Variants in CABIN1 observed in about 807,000 individuals in gnomAD.
The protein encoded by CABIN1 is calcineurin binding protein 1.
Under a neutral mutation model 227.7 loss-of-function variants are expected in CABIN1, and 133 were observed. The ratio of observed to expected loss-of-function variants is 0.58; its 90% confidence interval spans 0.51 to 0.67. The LOEUF is 0.67. CABIN1 is among the 30% of genes least tolerant of loss of function. The pLI is 0.00. For missense variants in CABIN1, 2,408 were observed against 2,852.5 expected, an observed-to-expected ratio of 0.84 and a Z score of 3.55; for synonymous variants, 1,086 against 1,155.1, an observed-to-expected ratio of 0.94 and a Z score of 1.21.
chr22:24,035,643 A>G, intron 2 of CABIN1, 123 bp downstream of exon 2: 2 of 1,278,422 alleles, frequency 1.6e-6, no homozygotes, highest in Admixed American at 1.7e-5. Flanking sequence ...CCTTCCTCCC[A>G]GGAAGGCTGT....
rs756185233 is a variant in CABIN1 at position 24,150,536 on chromosome 22, C to T, written c.4747-13864C>T. Among the ~76,000 whole-genome samples, 75 of 152,174 alleles carry T rather than the reference C, an allele frequency of 4.9e-4. 1 individual carries two copies. Among genetic ancestry groups the T allele is most frequent in the Non-Finnish European group, 5.3e-4 (36 of 68,028 alleles). On this transcript the variant is annotated intron_variant, in intron 29 of 36. Transcript: ENST00000263119. ...TCTGTTCTAGGCAGTGAAACCACCTCGGGGTGTGGAGGCCCGAGTGCTGTG... is the reference window on the plus strand; with the variant it reads ...TCTGTTCTAGGCAGTGAAACCACCTTGGGGTGTGGAGGCCCGAGTGCTGTG...
chr22:24,136,225 G>T (rs1430251858), intron 29 of CABIN1, among the ~76,000 whole-genome samples: 2 of 151,782 alleles, frequency 1.3e-5, no homozygotes, highest in Non-Finnish European at 2.9e-5. Flanking sequence ...GTATTTTTTC[G>T]CTAAACAATA....
In CABIN1 at chr22:24,091,710, A is replaced by C; in HGVS notation, c.3653A>C (p.Lys1218Thr). The stretch of plus-strand genomic sequence containing the variant: ...TACATGCTGGGCAAGGTGGCTGAGA[A>C]GCAGCAGCAGCCACCCACCGTTTAC... The part of the protein sequence containing the change: ...IHYMLGKVAE[K>T]QQQPPTVYLL... The change falls in exon 24 of 37, where the codon AAG becomes ACG. Residue 1218 changes from lysine (K) to threonine (T), a missense_variant. Coordinates refer to ENST00000263119, the MANE Select transcript of CABIN1 (RefSeq NM_012295.4). The C allele has an allele frequency of 6.2e-7, 1 of 1,614,132 alleles. No homozygotes were observed. Among genetic ancestry groups the C allele is most frequent in the Non-Finnish European group, 8.5e-7 (1 of 1,180,032 alleles).
chr22:24,119,826 A>T, intron 28 of CABIN1, 128 bp downstream of exon 28: 1 of 981,218 alleles, frequency 1.0e-6, no homozygotes, highest in Admixed American at 1.8e-5. Context: ...ATGGGCGAGG[A>T]GAGCTGCAGG....
intron 12 of CABIN1, 80 bp downstream of exon 12, chr22:24,060,221 G>A (rs2039091790): frequency 2.2e-6 from 3 of 1,355,606 alleles, no homozygotes; most frequent in Non-Finnish European, 2.1e-6. Context: ...GTGTGGGGCT[G>A]CTGTTGTGTT....
At chr22:24,062,107 T>A in intron 13 of CABIN1, 82 bp downstream of exon 13, 2 of 1,176,062 alleles carry the variant, frequency 1.7e-6, no homozygotes. Context: ...GGAGACTGAG[T>A]CATGGAATTT....
At chr22:24,028,934 G>A (rs998849949) in intron 1 of CABIN1, among the ~76,000 whole-genome samples, 1 of 152,168 alleles carries the variant, frequency 6.6e-6, no homozygotes, top group South Asian at 2.1e-4. Flanking sequence ...CACTGAAGAG[G>A]TGAGGGCATG....
At chr22:24,170,267 C>G in intron 33 of CABIN1, 1 of 400,180 alleles carries the variant, frequency 2.5e-6, no homozygotes, top group Admixed American at 2.7e-5. Context: ...CCCTTAAGCC[C>G]AATCTTGGAG....
intron 18 of CABIN1, among the ~76,000 whole-genome samples, chr22:24,074,193 T>G (rs903696536): frequency 1.3e-5 from 2 of 152,196 alleles, no homozygotes; most frequent in African/African-American, 4.8e-5. Flanking sequence ...ACTTCTGGAC[T>G]GAAATTCTCC....
intron 1 of CABIN1, among the ~76,000 whole-genome samples, chr22:24,028,407 G>A (rs562108972): frequency 6.6e-6 from 1 of 152,320 alleles, no homozygotes; most frequent in East Asian, 1.9e-4. Context: ...ACAGTCCATG[G>A]TGTTAACAGA....
chr22:24,056,539 C>G (rs562433636), intron 10 of CABIN1, 179 bp downstream of exon 10: 1 of 641,820 alleles, frequency 1.6e-6, no homozygotes, highest in African/African-American at 1.8e-5. Flanking sequence ...GGATTTTTCT[C>G]GCCTCTTCCC....
intron 1 of CABIN1, among the ~76,000 whole-genome samples, chr22:24,032,620 C>T (rs1432654857): frequency 6.6e-6 from 1 of 152,184 alleles, no homozygotes; most frequent in Non-Finnish European, 1.5e-5. Context: ...ACAAAGACTC[C>T]AGTTTCTCCA....
At chr22:24,175,898 G>A in intron 34 of CABIN1, 2 of 645,462 alleles carry the variant, frequency 3.1e-6, no homozygotes, top group Non-Finnish European at 5.6e-6. Flanking sequence ...CCCTCTGGGG[G>A]TGGGGAGCCA....
At chr22:24,119,956 A>G (rs562734229) in intron 28 of CABIN1, among the ~76,000 whole-genome samples, 67 of 152,022 alleles carry the variant, frequency 4.4e-4, no homozygotes, top group Admixed American at 2.0e-3. Context: ...GGGATAGGCT[A>G]TGGGGTGAGG....
At position 24,071,048 on chromosome 22, in the gene CABIN1, C is replaced by G. The variant is rs1484048100; in HGVS notation, c.2475+6C>G. 6 of 1,614,220 alleles carry G rather than the reference C, an allele frequency of 3.7e-6. No homozygotes were observed. On this transcript the variant is annotated splice_donor_region_variant and intron_variant, in intron 17 of 36. Transcript: ENST00000263119. Reference sequence around the variant, plus strand: ...TCACCAACAACCTCATCCAGGTAACCCCTGGCTCCTTCTCACCCTGCCCTG... The same window carrying G: ...TCACCAACAACCTCATCCAGGTAACGCCTGGCTCCTTCTCACCCTGCCCTG...
chr22:24,041,022 A>G (rs934746421), intron 4 of CABIN1, 117 bp from the exon 5 acceptor site: 11 of 1,226,162 alleles, frequency 9.0e-6, no homozygotes, highest in Non-Finnish European at 1.3e-5. Flanking sequence ...AGTGGTGGAC[A>G]ACACTAGACT....
At chr22:24,058,307 G>T in intron 10 of CABIN1, among the ~76,000 whole-genome samples, 1 of 152,210 alleles carries the variant, frequency 6.6e-6, no homozygotes, top group African/African-American at 2.4e-5. Context: ...ACAATCTTGA[G>T]CAACCACACT....
Position 24,171,767 on chromosome 22 carries a change from T to G in CABIN1, c.5812T>G (p.Phe1938Val). The change falls in exon 34 of 37, where the codon TTC becomes GTC. Residue 1938 changes from phenylalanine (F) to valine (V), a missense_variant. By Grantham distance (50) the Phe-to-Val change is conservative. This residue lies in a region of CABIN1 where 714 missense variants were observed against 773.8 expected (regional missense o/e 0.92). Transcript: ENST00000263119. ...PKHPKDSREN[F>V]FPVTVVPTAP... ...GCACCCCAAAGACAGCCGAGAGAACTTCTTTCCTGTGACAGTGGTGCCCAC... is the reference window on the plus strand; with the variant it reads ...GCACCCCAAAGACAGCCGAGAGAACGTCTTTCCTGTGACAGTGGTGCCCAC... 3.1e-6 allele frequency: 5 copies of G among 1,614,158 alleles called. No homozygotes were observed. The highest frequency in any genetic ancestry group is 4.2e-6 in the Non-Finnish European group (5 of 1,180,022).
rs371351108 is a variant in CABIN1 at position 24,042,974 on chromosome 22, G to A, written c.416G>A (p.Arg139Gln). The A allele has an allele frequency of 8.7e-6, 14 of 1,613,566 alleles. No homozygotes were observed. Among genetic ancestry groups the A allele is most frequent in the African/African-American group, 8.0e-5 (6 of 74,696 alleles). ...KIGHVALRLI[R>Q]IPLARHAFEE... is the part of the protein sequence containing the mutation. ...GGACATGTGGCCCTGAGGCTCATCC[G>A]GATCCCCCTGGCTCGCCATGCTTTT... is the stretch of plus-strand genomic sequence containing the variant. The change falls in exon 6 of 37, where the codon CGG becomes CAG. Residue 139 changes from arginine to glutamine, a missense_variant. Arg to Gln is a conservative substitution (Grantham distance 43). Coordinates refer to ENST00000263119, the MANE Select transcript of CABIN1 (RefSeq NM_012295.4).
Sources: gnomAD v4.1 joint callset for allele counts (sites outside exome capture counted in the v4.1 genomes callset) on GRCh38, gnomAD v4.1.1 for gene constraint, gnomAD v4.1.1 regional missense constraint, MANE v1.5 for transcripts, NCBI Gene and HGNC (gene_info 2026-07-23, HGNC 2026-07-21) for gene names.